The following MAP2 variants were observed in gnomAD, a reference collection of about 807,000 sequenced individuals.
MAP2 encodes the protein microtubule associated protein 2.
In MAP2, 14 loss-of-function variants were observed where a neutral mutation model predicts 137.6. That is an observed-to-expected ratio of 0.10 (90% CI 0.07 to 0.16). MAP2 has a LOEUF of 0.16. Ranked by LOEUF, MAP2 falls within the 10% of genes least tolerant of loss-of-function variation. The pLI is 1.00. For missense variants in MAP2, 2,088 were observed against 2,191.5 expected, an observed-to-expected ratio of 0.95 and a Z score of 0.94; for synonymous variants, 786 against 782.3, an observed-to-expected ratio of 1.00 and a Z score of -0.08.
intron 5 of MAP2, among the ~76,000 whole-genome samples, chr2:209,668,797 T>A (rs1190662236): frequency 2.0e-5 from 3 of 152,080 alleles, no homozygotes; most frequent in Admixed American, 1.3e-4. Flanking sequence ...AGCTTTTATT[T>A]TACAGCATTA....
At chr2:209,485,030 C>G (rs565273262) in intron 1 of MAP2, among the ~76,000 whole-genome samples, 4 of 152,330 alleles carry the variant, frequency 2.6e-5, no homozygotes, top group African/African-American at 7.2e-5. Flanking sequence ...AGTAATTGAG[C>G]TGCTCATTAC....
chr2:209,489,007 G>C (rs1357072603), intron 1 of MAP2, among the ~76,000 whole-genome samples: 1 of 152,198 alleles, frequency 6.6e-6, no homozygotes, highest in African/African-American at 2.4e-5. Context: ...ATACCTCCCA[G>C]CAGGGGACGA....
intron 5 of MAP2, among the ~76,000 whole-genome samples, chr2:209,664,710 C>T (rs2045434411): frequency 6.6e-6 from 1 of 152,066 alleles, no homozygotes; most frequent in African/African-American, 2.4e-5. Flanking sequence ...TCTATCCCAG[C>T]ACTTTGGAAG....
chr2:209,460,875 A>G (rs1702618734), intron 1 of MAP2, among the ~76,000 whole-genome samples: 1 of 151,918 alleles, frequency 6.6e-6, no homozygotes, highest in Non-Finnish European at 1.5e-5. Context: ...CAGCCTCCCG[A>G]GTAGCTGGGA....
chr2:209,669,867 T>A (rs1279956157), intron 5 of MAP2, among the ~76,000 whole-genome samples: 1 of 151,988 alleles, frequency 6.6e-6, no homozygotes, highest in African/African-American at 2.4e-5. Context: ...AGTTACTCTT[T>A]CTAGGGGTGG....
At chr2:209,561,303 G>A (rs572510492) in intron 2 of MAP2, among the ~76,000 whole-genome samples, 1 of 152,306 alleles carries the variant, frequency 6.6e-6, no homozygotes, top group Non-Finnish European at 1.5e-5. Context: ...GAAGGTGATT[G>A]GGTTTGGTAG....
chr2:209,646,252 A>T (rs1342189488), intron 4 of MAP2, among the ~76,000 whole-genome samples: 1 of 152,212 alleles, frequency 6.6e-6, no homozygotes, highest in Non-Finnish European at 1.5e-5. Flanking sequence ...AGGTTATCTT[A>T]TTTCTAAATT....
chr2:209,642,394 T>A (rs960915078), intron 4 of MAP2, among the ~76,000 whole-genome samples: 2 of 149,364 alleles, frequency 1.3e-5, no homozygotes, highest in Admixed American at 6.7e-5. Context: ...GTCTCCGCAT[T>A]CCAGCCTGAG....
At chr2:209,539,419 A>G (rs1293133585) in intron 2 of MAP2, among the ~76,000 whole-genome samples, 6 of 152,228 alleles carry the variant, frequency 3.9e-5, no homozygotes, top group South Asian at 2.1e-4. Flanking sequence ...CAGCTGAAGT[A>G]GTCATTTAAC....
At chr2:209,661,010 C>G (rs758915766) in intron 5 of MAP2, among the ~76,000 whole-genome samples, 1 of 151,512 alleles carries the variant, frequency 6.6e-6, no homozygotes, top group Non-Finnish European at 1.5e-5. Flanking sequence ...TCCCAAAGTG[C>G]TGGGATTACA....
intron 5 of MAP2, among the ~76,000 whole-genome samples, chr2:209,660,779 G>A (rs1376990830): frequency 6.9e-6 from 1 of 145,776 alleles, no homozygotes; most frequent in Admixed American, 6.9e-5. Context: ...TGTCGCCCAG[G>A]CTGGAGTGCA....
chr2:209,623,970 A>G (rs2091796534), intron 3 of MAP2, among the ~76,000 whole-genome samples: 1 of 152,182 alleles, frequency 6.6e-6, no homozygotes, highest in African/African-American at 2.4e-5. Context: ...TCACAGATTA[A>G]ATGAGCTAAC....
intron 13 of MAP2, 71 bp from the exon 14 acceptor site, chr2:209,725,638 A>C: frequency 2.1e-6 from 2 of 936,860 alleles, no homozygotes; most frequent in South Asian, 3.8e-5. Flanking sequence ...GTGTTTCTAG[A>C]TCTTATGTAT....
intron 4 of MAP2, among the ~76,000 whole-genome samples, chr2:209,626,078 TG>T (rs1055559640): frequency 1.3e-5 from 2 of 152,184 alleles, no homozygotes; most frequent in African/African-American, 4.8e-5. Flanking sequence ...TTTTATTATT[TG>T]TTTTTAAGCA....
rs749772384 is a variant in MAP2 at position 209,695,703 on chromosome 2, C to T, written c.3533C>T (p.Ala1178Val). 80 of 1,613,916 alleles carry T rather than the reference C, an allele frequency of 5.0e-5. 3 individuals are homozygous for T. In the South Asian group the frequency reaches 6.6e-4, roughly 13 times the overall value. ...TCAGTGGAAATACCTTGCCCACCTG[C>T]TGTTTCAGAGGCTGATTTAGCCACA... The part of the protein sequence containing the change: ...KLSVEIPCPP[A>V]VSEADLATDE... Residue 1178 changes from alanine (A) to valine (V), a missense_variant, in exon 8 of 16, where the codon GCT becomes GTT. Ala to Val is a moderately conservative substitution (Grantham distance 64). Around this residue, in one of 6 missense-constraint regions of MAP2, gnomAD observed 591 missense variants for 642.6 expected, o/e 0.92. Coordinates refer to ENST00000682079, the MANE Select transcript of MAP2 (RefSeq NM_001375505.1).
chr2:209,586,246 G>C (rs969019461), intron 3 of MAP2, among the ~76,000 whole-genome samples: 2 of 152,080 alleles, frequency 1.3e-5, no homozygotes, highest in Admixed American at 6.6e-5. Context: ...GCAGGGGCAG[G>C]TAGAGAGGGG....
intron 13 of MAP2, among the ~76,000 whole-genome samples, chr2:209,724,057 C>G (rs2072752836): frequency 6.6e-6 from 1 of 152,152 alleles, no homozygotes; most frequent in African/African-American, 2.4e-5. Context: ...ACATATTTTT[C>G]TAGCTCCATT....
At chr2:209,688,643 G>A (rs916747106) in intron 7 of MAP2, among the ~76,000 whole-genome samples, 5 of 152,156 alleles carry the variant, frequency 3.3e-5, no homozygotes, top group Non-Finnish European at 7.3e-5. Flanking sequence ...ATAAAGCTGG[G>A]AGACTCAAGT....
At chr2:209,497,531 C>T (rs1467413492) in intron 1 of MAP2, among the ~76,000 whole-genome samples, 2 of 152,134 alleles carry the variant, frequency 1.3e-5, no homozygotes, top group African/African-American at 4.8e-5. Context: ...TAAAGAAATA[C>T]ATAGGACTGG....
Sources: gnomAD v4.1 joint callset for allele counts (sites outside exome capture counted in the v4.1 genomes callset) on GRCh38, gnomAD v4.1.1 for gene constraint, gnomAD v4.1.1 regional missense constraint, MANE v1.5 for transcripts, NCBI Gene and HGNC (gene_info 2026-07-23, HGNC 2026-07-21) for gene names.